Variants in ANKS1B observed in about 807,000 individuals in gnomAD.
The protein encoded by ANKS1B is ankyrin repeat and sterile alpha motif domain containing 1B, also known as ankyrin repeat and sterile alpha motif domain-containing protein 1B.
A neutral mutation model predicts 148.3 loss-of-function variants in ANKS1B; 36 were observed. The observed-to-expected ratio is 0.24, with a 90% CI of 0.19 to 0.32. The LOEUF is 0.32. ANKS1B is among the 10% of genes least tolerant of loss of function. The pLI, the probability that ANKS1B is intolerant of heterozygous loss-of-function variation, is 1.00. For missense variants in ANKS1B, 1,157 were observed against 1,542.6 expected (o/e 0.75, Z 4.19); for synonymous variants, 542 against 560.8 (o/e 0.97, Z 0.47).
chr12:99,893,253 A>T (rs1389523053), intron 1 of ANKS1B, among the ~76,000 whole-genome samples: 1 of 152,082 alleles, frequency 6.6e-6, no homozygotes, highest in Non-Finnish European at 1.5e-5. Context: ...TACTAAAAAT[A>T]CAAAAAAATT....
intron 8 of ANKS1B, among the ~76,000 whole-genome samples, chr12:99,698,982 G>A (rs566655159): frequency 1.3e-5 from 2 of 152,124 alleles, no homozygotes; most frequent in Admixed American, 6.5e-5. Flanking sequence ...GGGTGTGCAC[G>A]CACGTGCGCA....
chr12:98,880,513 TC>T (rs1381475108), intron 17 of ANKS1B, among the ~76,000 whole-genome samples: 7 of 152,078 alleles, frequency 4.6e-5, no homozygotes, highest in Admixed American at 4.6e-4. Flanking sequence ...ATGCCTGTAA[TC>T]CCAGCACTTT....
At chr12:99,982,760 G>A (rs990424432) in intron 1 of ANKS1B, among the ~76,000 whole-genome samples, 2 of 152,122 alleles carry the variant, frequency 1.3e-5, no homozygotes, top group African/African-American at 4.8e-5. Context: ...TTGAAAAAAT[G>A]TCCCATAAAT....
chr12:98,881,364 C>T (rs1414803601), intron 17 of ANKS1B, among the ~76,000 whole-genome samples: 2 of 152,164 alleles, frequency 1.3e-5, no homozygotes, highest in Admixed American at 6.5e-5. Flanking sequence ...TTGAATGAGG[C>T]ATTTAATTAG....
chr12:99,048,417 C>G (rs912682233), intron 17 of ANKS1B, among the ~76,000 whole-genome samples: 6 of 152,106 alleles, frequency 3.9e-5, no homozygotes, highest in African/African-American at 1.4e-4. Flanking sequence ...GTGTGTTTTA[C>G]TATTTCTGAT....
At chr12:99,416,279 A>T (rs1003883425) in intron 11 of ANKS1B, among the ~76,000 whole-genome samples, 2 of 152,220 alleles carry the variant, frequency 1.3e-5, no homozygotes, top group African/African-American at 4.8e-5. Flanking sequence ...GGTTGTTTCC[A>T]GTTTTTAGCT....
chr12:99,721,126 C>T (rs949303927), intron 8 of ANKS1B, among the ~76,000 whole-genome samples: 3 of 152,060 alleles, frequency 2.0e-5, no homozygotes, highest in Admixed American at 1.3e-4. Context: ...TTCTAACAAC[C>T]CCACAATATC....
intron 25 of ANKS1B, among the ~76,000 whole-genome samples, chr12:98,768,733 C>CA (rs36034629): frequency 0.054 from 4,330 of 80,396 alleles, 135 homozygotes; most frequent in East Asian, 0.24. Context: ...GACTCCATCT[C>CA]AAAAAAAAAA....
chr12:98,836,327 C>T (rs2099362783), intron 17 of ANKS1B, among the ~76,000 whole-genome samples: 1 of 152,188 alleles, frequency 6.6e-6, no homozygotes, highest in Non-Finnish European at 1.5e-5. Context: ...GCTACAAGGG[C>T]AGGTACCTCA....
chr12:98,781,107 T>C lies in ANKS1B; in HGVS notation c.3441+10A>G. 2.0e-6 allele frequency: 3 copies of C among 1,520,054 alleles called. No homozygotes were observed. Among genetic ancestry groups the C allele is most frequent in the Non-Finnish European group, 2.7e-6 (3 of 1,115,042 alleles). The allele number at this position is 1,520,054 out of a possible 1,614,324, so 94.2% of individuals were successfully genotyped here. On this transcript the variant is annotated intron_variant, in intron 24 of 26. Coordinates refer to ENST00000683438, the MANE Select transcript of ANKS1B (RefSeq NM_001352186.2). ...CTGGTGTCTAAACCAGAGAGAGGAG[T>C]GGTACTTACCTTATTTGTTGCATCA...
intron 9 of ANKS1B, among the ~76,000 whole-genome samples, chr12:99,573,995 T>C (rs1204082483): frequency 6.6e-6 from 1 of 152,094 alleles, no homozygotes; most frequent in East Asian, 1.9e-4. Flanking sequence ...CTCCTCAAGA[T>C]AGTCACTAAT....
At chr12:99,316,514 G>A (rs747005360) in intron 12 of ANKS1B, among the ~76,000 whole-genome samples, 1 of 152,038 alleles carries the variant, frequency 6.6e-6, no homozygotes, top group Admixed American at 6.5e-5. Flanking sequence ...TTTTTGATGG[G>A]GTTGTTTGAT....
chr12:99,314,047 C>G lies in ANKS1B; in HGVS notation c.1757-67183G>C, dbSNP rs554784111. ...TCATCTCACCCAAAAACTCCTTAAGCTGATAAGCAACTTCAGCAAAGTCTC... is the reference window on the plus strand; with the variant it reads ...TCATCTCACCCAAAAACTCCTTAAGGTGATAAGCAACTTCAGCAAAGTCTC... On this transcript the variant is annotated intron_variant, in intron 12 of 26. Transcript: ENST00000683438. 3.3e-5 allele frequency among the ~76,000 whole-genome samples: 5 copies of G among 152,290 alleles called. No homozygotes were observed. The East Asian group carries it at 9.7e-4, about 29-fold the overall frequency.
chr12:99,507,557 T>G (rs2096723853), intron 9 of ANKS1B, among the ~76,000 whole-genome samples: 1 of 151,794 alleles, frequency 6.6e-6, no homozygotes, highest in African/African-American at 2.4e-5. Context: ...TGTGAGTATG[T>G]GCAAAGGAAA....
Position 98,751,143 on chromosome 12 carries a change from C to T in ANKS1B, c.3747+212G>A, listed in dbSNP as rs2153395671. Reference sequence around the variant, plus strand: ...TGCAGGTGACTGAGAAAGTGGATTTCTCTGGAGGCTCCAGGTTGAGGGAGA... The same window carrying T: ...TGCAGGTGACTGAGAAAGTGGATTTTTCTGGAGGCTCCAGGTTGAGGGAGA... On this transcript the variant is annotated intron_variant, in intron 26 of 26. Coordinates refer to ENST00000683438, the MANE Select transcript of ANKS1B (RefSeq NM_001352186.2). This position sits in a 1 kb window ranked among gnomAD's most constrained non-coding sequence, Gnocchi z 4.3. 6.6e-6 allele frequency among the ~76,000 whole-genome samples: 1 copy of T among 152,286 alleles called. No homozygotes were observed.
chr12:98,992,556 C>T (rs911073478), intron 17 of ANKS1B, among the ~76,000 whole-genome samples: 2 of 152,196 alleles, frequency 1.3e-5, no homozygotes, highest in Non-Finnish European at 2.9e-5. Context: ...GTGCCTGCTT[C>T]CCCTTCGCCT....
At chr12:99,347,696 A>G (rs2090900785) in intron 12 of ANKS1B, among the ~76,000 whole-genome samples, 1 of 152,020 alleles carries the variant, frequency 6.6e-6, no homozygotes, top group Non-Finnish European at 1.5e-5. Context: ...TACAAGTACA[A>G]CCCAAGACAA....
At chr12:98,965,044 C>T (rs189703358) in intron 17 of ANKS1B, among the ~76,000 whole-genome samples, 1 of 152,120 alleles carries the variant, frequency 6.6e-6, no homozygotes, top group Admixed American at 6.5e-5. Flanking sequence ...CTGTATCATG[C>T]CTGTATCAAA....
At chr12:99,908,382 C>G (rs1425804231) in intron 1 of ANKS1B, among the ~76,000 whole-genome samples, 1 of 151,946 alleles carries the variant, frequency 6.6e-6, no homozygotes, top group African/African-American at 2.4e-5. Context: ...AAGTTGGAGA[C>G]CAGCCAGGGC....
Sources: gnomAD v4.1 joint callset for allele counts (sites outside exome capture counted in the v4.1 genomes callset) on GRCh38, gnomAD v4.1.1 for gene constraint, Gnocchi (gnomAD v3.1) non-coding constraint, MANE v1.5 for transcripts, NCBI Gene and HGNC (gene_info 2026-07-23, HGNC 2026-07-21) for gene names.